GALNTL5: variants seen among roughly 807,000 people sequenced by gnomAD.
GALNTL5 encodes the protein inactive polypeptide N-acetylgalactosaminyltransferase-like protein 5.
In GALNTL5, 44 loss-of-function variants were observed where a neutral mutation model predicts 51.0. The observed-to-expected ratio is 0.86, with a 90% CI of 0.68 to 1.11. GALNTL5 has a LOEUF of 1.11. GALNTL5 is among the 50% of genes least tolerant of loss of function. The probability of loss-of-function intolerance (pLI) is 0.00; values close to 1 mark genes in which losing one functional copy is unlikely to be tolerated. For synonymous variants in GALNTL5, 192 were observed against 182.8 expected (o/e 1.05, Z -0.41); for missense variants, 528 against 531.8 (o/e 0.99, Z 0.07).
chr7:151,962,278 G>A (rs978902743), intron 1 of GALNTL5, among the ~76,000 whole-genome samples: 2 of 151,894 alleles, frequency 1.3e-5, no homozygotes, highest in African/African-American at 4.8e-5. Context: ...TGGGATTACA[G>A]ACCTGAGCCA....
intron 8 of GALNTL5, among the ~76,000 whole-genome samples, chr7:152,017,829 C>T (rs563865889): frequency 5.3e-5 from 8 of 152,038 alleles, no homozygotes; most frequent in African/African-American, 1.9e-4. Flanking sequence ...CTTGACAATC[C>T]TCAAATGAGA....
intron 8 of GALNTL5, among the ~76,000 whole-genome samples, chr7:152,017,538 T>C (rs1240698509): frequency 6.6e-6 from 1 of 152,122 alleles, no homozygotes; most frequent in East Asian, 1.9e-4. Context: ...AAAGTTCAAA[T>C]GGGTAAAATT....
At chr7:151,993,862 T>G (rs1324936868) in intron 5 of GALNTL5, among the ~76,000 whole-genome samples, 1 of 152,152 alleles carries the variant, frequency 6.6e-6, no homozygotes, top group Non-Finnish European at 1.5e-5. Context: ...TCAAGCAATA[T>G]TCTCCCATCT....
chr7:151,963,744 C>T (rs2081022606), intron 1 of GALNTL5, among the ~76,000 whole-genome samples: 1 of 152,158 alleles, frequency 6.6e-6, no homozygotes, highest in South Asian at 2.1e-4. Context: ...TAAATTGCAG[C>T]TTCCCCTTTT....
intron 1 of GALNTL5, among the ~76,000 whole-genome samples, chr7:151,960,969 G>T (rs1312400233): frequency 6.6e-6 from 1 of 152,204 alleles, no homozygotes; most frequent in Non-Finnish European, 1.5e-5. Flanking sequence ...AAGCAGCGTG[G>T]GTTTCCTACT....
chr7:151,995,348 A>ATTTTTTTTTTTTTTTTTTTT (rs71198750), intron 5 of GALNTL5: 2 of 71,098 alleles, frequency 2.8e-5, no homozygotes, highest in Non-Finnish European at 5.8e-5. Context: ...GTTGGTATGA[A>ATTTTTTTTTTTTTTTTTTTT]TTTTTTTTTT....
At chr7:152,018,329 C>A (rs1446848435) in intron 8 of GALNTL5, among the ~76,000 whole-genome samples, 1 of 152,156 alleles carries the variant, frequency 6.6e-6, no homozygotes, top group East Asian at 1.9e-4. Context: ...TACGAAAGTG[C>A]CTGTCTCCTC....
At chr7:151,984,146 A>AAATGAGATGATCTAT (rs963667162) in intron 4 of GALNTL5, 3 of 152,360 alleles carry the variant, frequency 2.0e-5, no homozygotes, top group Admixed American at 2.0e-4. Flanking sequence ...TAATGCAGGA[A>AAATGAGATGATCTAT]AATGAGATGA....
intron 1 of GALNTL5, among the ~76,000 whole-genome samples, chr7:151,963,851 A>G (rs148422265): frequency 1.4e-4 from 21 of 152,242 alleles, no homozygotes; most frequent in Non-Finnish European, 1.2e-4. Context: ...CAATGTTTTG[A>G]TATTTTCAAA....
intron 3 of GALNTL5, among the ~76,000 whole-genome samples, chr7:151,971,808 C>T (rs765047407): frequency 8.6e-5 from 13 of 151,594 alleles, no homozygotes; most frequent in Non-Finnish European, 1.5e-4. Context: ...TTAAAAGTAG[C>T]AGTTTCCCCT....
chr7:151,993,266 A>G (rs2081450460), intron 5 of GALNTL5, among the ~76,000 whole-genome samples: 2 of 150,368 alleles, frequency 1.3e-5, no homozygotes, highest in South Asian at 2.1e-4. Flanking sequence ...TGCGTTTATG[A>G]TTTTCTTTGT....
At chr7:151,989,405 G>A (rs180744313) in intron 5 of GALNTL5, among the ~76,000 whole-genome samples, 6 of 152,034 alleles carry the variant, frequency 3.9e-5, no homozygotes, top group South Asian at 2.1e-4. Flanking sequence ...CGCCCACCTC[G>A]GCCTCCCAAA....
At chr7:152,018,887 C>A (rs921747036) in intron 8 of GALNTL5, among the ~76,000 whole-genome samples, 1 of 152,192 alleles carries the variant, frequency 6.6e-6, no homozygotes, top group Admixed American at 6.5e-5. Context: ...AACACTATCA[C>A]TACCCTGAAT....
intron 8 of GALNTL5, among the ~76,000 whole-genome samples, chr7:152,015,840 G>A (rs1271731196): frequency 6.6e-6 from 1 of 151,990 alleles, no homozygotes; most frequent in African/African-American, 2.4e-5. Context: ...ACCTTGCCAG[G>A]ACTTACAAGG....
chr7:152,015,511 C>A (rs1439765510), intron 8 of GALNTL5, among the ~76,000 whole-genome samples: 1 of 152,052 alleles, frequency 6.6e-6, no homozygotes, highest in Non-Finnish European at 1.5e-5. Context: ...AGGCGCATAC[C>A]ATCAGGCCTG....
chr7:152,002,835 T>C lies in GALNTL5; in HGVS notation c.780T>C (p.Asp260=). 6.2e-7 allele frequency: 1 copy of C among 1,614,204 alleles called. No individual in the cohort carries two copies. The highest frequency in any genetic ancestry group is 8.5e-7 in the Non-Finnish European group (1 of 1,180,034). The part of the protein sequence containing the change: ...MVVCPLIDVI[D]DRTLEYKPSP... ...TGTGCCCCCTGATAGATGTCATTGA[T>C]GATAGAACTCTGGAGTATAAGCCCT... Residue 260 remains aspartate (D), a synonymous_variant, in exon 6 of 9, where the codon GAT becomes GAC. Transcript: ENST00000392800.
At chr7:151,969,869 C>A (rs1240532529) in intron 2 of GALNTL5, among the ~76,000 whole-genome samples, 1 of 152,180 alleles carries the variant, frequency 6.6e-6, no homozygotes, top group Admixed American at 6.5e-5. Context: ...TGCAGTGGCA[C>A]GATCTCGGCT....
At chr7:151,981,041 G>A (rs10271279) in intron 3 of GALNTL5, among the ~76,000 whole-genome samples, 76,263 of 151,726 alleles carry the variant, frequency 0.5, 19,655 homozygotes, top group African/African-American at 0.54. Flanking sequence ...CACCGCGCCC[G>A]GCCACAATGA....
Position 151,983,121 on chromosome 7 carries a change from A to C in GALNTL5, c.504A>C (p.Glu168Asp), listed in dbSNP as rs2081315097. The change falls in exon 4 of 9, where the codon GAA becomes GAC. Residue 168 changes from glutamate to aspartate, a missense_variant. Glu to Asp is a conservative substitution (Grantham distance 45). Coordinates refer to ENST00000392800, the MANE Select transcript of GALNTL5 (RefSeq NM_145292.4). ...TCACGCCACACTATTTTCTTGAAGA[A>C]ATTATTTTGGTAGATGACATGAGCA... Reference protein sequence around the residue: ...TNLTPHYFLEEIILVDDMSKV... With the variant: ...TNLTPHYFLEDIILVDDMSKV... The C allele has an allele frequency of 6.2e-7, 1 of 1,613,976 alleles. No individual in the cohort carries two copies. Among genetic ancestry groups the C allele is most frequent in the Admixed American group, 1.7e-5 (1 of 59,988 alleles).
Sources: gnomAD v4.1 joint callset for allele counts (sites outside exome capture counted in the v4.1 genomes callset) on GRCh38, gnomAD v4.1.1 for gene constraint, MANE v1.5 for transcripts, NCBI Gene and HGNC (gene_info 2026-07-23, HGNC 2026-07-21) for gene names.